The following TBK1 variants were observed in gnomAD, a reference collection of about 807,000 sequenced individuals.
TBK1 encodes the protein serine/threonine-protein kinase TBK1.
In TBK1, 37 loss-of-function variants were observed where a neutral mutation model predicts 99.9. That is an observed-to-expected ratio of 0.37 (90% CI 0.28 to 0.49). TBK1 has a LOEUF of 0.49. TBK1 is among the 20% of genes least tolerant of loss of function. TBK1 has a pLI of 0.98. For synonymous variants in TBK1, 258 were observed against 279.8 expected, an observed-to-expected ratio of 0.92 and a Z score of 0.78; for missense variants, 644 against 872.5, an observed-to-expected ratio of 0.74 and a Z score of 3.30.
intron 2 of TBK1, among the ~76,000 whole-genome samples, chr12:64,456,335 T>C (rs771750955): frequency 3.7e-4 from 56 of 152,106 alleles, no homozygotes; most frequent in Middle Eastern, 6.3e-3. Flanking sequence ...GAGGCAGATG[T>C]GTATTGGGAG....
chr12:64,495,336 T>C (rs139930843), intron 13 of TBK1, 147 bp from the exon 14 acceptor site: 2 of 1,031,128 alleles, frequency 1.9e-6, no homozygotes, highest in East Asian at 2.5e-5. Context: ...AGAAACTCTT[T>C]TGTATTTAAA....
chr12:64,501,084 C>T (rs374053675), intron 20 of TBK1, among the ~76,000 whole-genome samples: 55 of 152,176 alleles, frequency 3.6e-4, no homozygotes, highest in African/African-American at 1.2e-3. Flanking sequence ...TTATAAATCC[C>T]ACCCCACCAG....
chr12:64,490,220 C>T, intron 13 of TBK1, 101 bp downstream of exon 13: 3 of 720,958 alleles, frequency 4.2e-6, no homozygotes, highest in Middle Eastern at 4.0e-4. Context: ...TGGTAGTACA[C>T]ACCTAGAGTC....
At position 64,497,731 on chromosome 12, in the gene TBK1, C is replaced by T. The variant is rs759638468; in HGVS notation, c.2043C>T (p.Asn681=). 5 of 1,596,942 alleles carry T rather than the reference C, an allele frequency of 3.1e-6. No homozygotes were observed. Among genetic ancestry groups the T allele is most frequent in the Non-Finnish European group, 4.3e-6 (5 of 1,172,040 alleles). The change falls in exon 19 of 21, where the codon AAC becomes AAT. Residue 681 remains asparagine (N), a synonymous_variant. Transcript: ENST00000331710. ...TGACCCCAATTTATCCAAGTTCTAA[C>T]ACATTAGTAGAAATGACTCTTGGGT... ...HTMTPIYPSS[N]TLVEMTLGMK...
At chr12:64,468,506 A>T (rs2040629073) in intron 5 of TBK1, among the ~76,000 whole-genome samples, 2 of 152,104 alleles carry the variant, frequency 1.3e-5, no homozygotes, top group South Asian at 4.2e-4. Flanking sequence ...AAAAAAAAAA[A>T]AGTACCTAAA....
intron 13 of TBK1, among the ~76,000 whole-genome samples, chr12:64,491,070 A>G (rs769603502): frequency 4.6e-5 from 7 of 152,220 alleles, no homozygotes; most frequent in Non-Finnish European, 8.8e-5. Flanking sequence ...CTGCTGAAAA[A>G]TACAATAGAA....
At chr12:64,468,771 G>A (rs1044027720) in intron 5 of TBK1, among the ~76,000 whole-genome samples, 1 of 152,172 alleles carries the variant, frequency 6.6e-6, no homozygotes, top group Admixed American at 6.5e-5. Flanking sequence ...GCCTGGGAAA[G>A]CCTCCTTTGA....
In TBK1 at chr12:64,501,927, A is replaced by T. The variant is rs1162508014; in HGVS notation, c.*546A>T. The T allele has an allele frequency of 6.6e-6, 1 of 152,624 alleles. No individual in the cohort carries two copies. The highest frequency in any genetic ancestry group is 2.4e-5 in the African/African-American group (1 of 41,466). The allele number at this position is 152,624 out of a possible 1,614,324, so 9.5% of individuals were successfully genotyped here. A position where few individuals can be genotyped will look rare whatever the true frequency, so the allele number is the denominator to read the frequency against. On this transcript the variant is annotated 3_prime_UTR_variant, in exon 21 of 21. Coordinates refer to ENST00000331710, the MANE Select transcript of TBK1 (RefSeq NM_013254.4). Reference sequence around the variant, plus strand: ...GTTATCCTTGTATCCATGTAATTTCAGATGAATTATTAAGCAAACATTTTA... The same window carrying T: ...GTTATCCTTGTATCCATGTAATTTCTGATGAATTATTAAGCAAACATTTTA...
chr12:64,458,999 T>C (rs1270043912), intron 2 of TBK1, among the ~76,000 whole-genome samples: 9 of 152,216 alleles, frequency 5.9e-5, no homozygotes, highest in Non-Finnish European at 1.2e-4. Flanking sequence ...CATAGGATTA[T>C]GAAGCAGTTA....
intron 15 of TBK1, 48 bp from the exon 16 acceptor site, chr12:64,496,319 A>G: frequency 1.1e-6 from 1 of 926,804 alleles, no homozygotes; most frequent in Non-Finnish European, 1.6e-6. Flanking sequence ...ATTGTGTATA[A>G]TATTATGATT....
intron 8 of TBK1, among the ~76,000 whole-genome samples, chr12:64,482,423 A>G (rs1179424319): frequency 6.6e-6 from 1 of 152,184 alleles, no homozygotes; most frequent in Non-Finnish European, 1.5e-5. Flanking sequence ...TGATAACCCT[A>G]TGCAGATAAT....
chr12:64,457,130 G>A (rs2040498278), intron 2 of TBK1, among the ~76,000 whole-genome samples: 1 of 152,122 alleles, frequency 6.6e-6, no homozygotes, highest in African/African-American at 2.4e-5. Context: ...TAGTAGAGAG[G>A]AATTGCTTCC....
chr12:64,460,369 C>A, intron 3 of TBK1, 40 bp downstream of exon 3: 1 of 1,424,260 alleles, frequency 7.0e-7, no homozygotes, highest in Non-Finnish European at 9.4e-7. Context: ...ATTGTAGTTA[C>A]GAGTCAAGAA....
rs759276622 is a variant in TBK1, at chr12:64,460,323, A to G, written c.222A>G (p.Glu74=). The part of the protein sequence containing the change: ...HKNIVKLFAI[E]EETTTRHKVL... ...ATATTGTCAAATTATTTGCTATTGA[A>G]GAGGAGGTAAGTAGTAAAACTTCAA... is the stretch of plus-strand genomic sequence containing the variant. The change falls in exon 3 of 21, where the codon GAA becomes GAG. Residue 74 remains glutamate, a synonymous_variant. Transcript: ENST00000331710. 11 of 1,558,808 alleles carry G rather than the reference A, an allele frequency of 7.1e-6. No individual in the cohort carries two copies. In the East Asian group the frequency reaches 2.3e-4, roughly 33 times the overall value.
rs1213123906 is a variant in TBK1 at position 64,497,629 on chromosome 12, T to TC, written c.1960-19_1960-18insC. On this transcript the variant is annotated intron_variant, in intron 18 of 20. Coordinates refer to ENST00000331710, the MANE Select transcript of TBK1 (RefSeq NM_013254.4). ...TAATGTGGGGTTTTTTTCTTTTTTT[T>TC]TTTTTTTTGATGTTTCAGTTACAAG... The TC allele has an allele frequency of 2.1e-5, 30 of 1,449,428 alleles. No homozygotes were observed. Among genetic ancestry groups the TC allele is most frequent in the Middle Eastern group, 1.8e-4 (1 of 5,470 alleles). The allele number at this position is 1,449,428 out of a possible 1,614,324, so 89.8% of individuals were successfully genotyped here.
At chr12:64,469,818 T>G (rs1455238978) in intron 5 of TBK1, among the ~76,000 whole-genome samples, 1 of 152,040 alleles carries the variant, frequency 6.6e-6, no homozygotes, top group African/African-American at 2.4e-5. Flanking sequence ...AACCCCACTT[T>G]CTGTAAGAAC....
intron 2 of TBK1, among the ~76,000 whole-genome samples, chr12:64,456,375 T>C (rs1233397550): frequency 2.0e-5 from 3 of 152,174 alleles, no homozygotes; most frequent in Non-Finnish European, 4.4e-5. Context: ...TGATAGGCTC[T>C]GGTAAGGGTA....
rs530390364 is a variant in TBK1, at chr12:64,464,158, G to A, written c.229-176G>A. Among the ~76,000 whole-genome samples, 145 of 152,180 alleles carry A rather than the reference G, an allele frequency of 9.5e-4. 3 individuals are homozygous for A. The highest frequency in any genetic ancestry group is 6.8e-3 in the South Asian group (33 of 4,828). ...ATTACAGGCGTGAGCCACCACACCC[G>A]GCCGGAAGATATTAATTCTTATATG... is the stretch of plus-strand genomic sequence containing the variant. On this transcript the variant is annotated intron_variant, in intron 3 of 20. Coordinates refer to ENST00000331710, the MANE Select transcript of TBK1 (RefSeq NM_013254.4).
chr12:64,474,106 G>A, intron 5 of TBK1, 124 bp from the exon 6 acceptor site: 1 of 920,282 alleles, frequency 1.1e-6, no homozygotes, highest in Non-Finnish European at 1.6e-6. Flanking sequence ...AGTCTTTTCA[G>A]ATTGGGAAAG....
Sources: allele counts gnomAD v4.1 joint callset (sites outside exome capture counted in the v4.1 genomes callset), GRCh38; gene constraint gnomAD v4.1.1; transcripts MANE v1.5; gene names NCBI Gene and HGNC (gene_info 2026-07-23, HGNC 2026-07-21).